The following ARHGAP21 variants were observed in gnomAD, a reference collection of about 807,000 sequenced individuals.
ARHGAP21 encodes the protein Rho GTPase activating protein 21.
Under a neutral mutation model 164.6 loss-of-function variants are expected in ARHGAP21, and 38 were observed. The ratio of observed to expected loss-of-function variants is 0.23; its 90% CI spans 0.18 to 0.30. The LOEUF (loss-of-function observed/expected upper bound fraction) is 0.30. ARHGAP21 is among the 10% of genes least tolerant of loss of function. ARHGAP21 has a pLI of 1.00. For synonymous variants in ARHGAP21, 766 were observed against 857.9 expected (o/e 0.89, Z 1.87); for missense variants, 1,822 against 2,370.7 (o/e 0.77, Z 4.81).
chr10:24,596,515 CCATTT>C (rs1404248328), intron 17 of ARHGAP21: 16 of 596,376 alleles, frequency 2.7e-5, no homozygotes, highest in Non-Finnish European at 4.2e-5. Flanking sequence ...TTCTTACAGA[CCATTT>C]CAGACAAATT....
chr10:24,620,357 G>A lies in ARHGAP21; in HGVS notation c.1538C>T (p.Thr513Ile). The change falls in exon 9 of 26, where the codon ACT (threonine) becomes ATT (isoleucine). Residue 513 changes from threonine to isoleucine, a missense_variant. This residue lies in a region of ARHGAP21 where 1,090 missense variants were observed against 1,378.9 expected (regional missense o/e 0.79). Coordinates refer to ENST00000396432, the MANE Select transcript of ARHGAP21 (RefSeq NM_020824.4). Reference sequence around the variant, plus strand: ...CTCTCCATTGGAATCAGGTATTGGAGTTCCAGAATTGACATTTTCTAAGGT... The same window carrying A: ...CTCTCCATTGGAATCAGGTATTGGAATTCCAGAATTGACATTTTCTAAGGT... ...DETLENVNSG[T>I]PIPDSNGEKK... The A allele has an allele frequency of 6.2e-7, 1 of 1,613,776 alleles. No homozygotes were observed. The highest frequency in any genetic ancestry group is 8.5e-7 in the Non-Finnish European group (1 of 1,179,830).
At chr10:24,687,133 C>T (rs1842287517) in intron 2 of ARHGAP21, among the ~76,000 whole-genome samples, 1 of 109,314 alleles carries the variant, frequency 9.1e-6, no homozygotes, top group Admixed American at 9.0e-5. Context: ...GGAGGGTGAG[C>T]CCATGAGGTC....
At chr10:24,623,888 A>T (rs1324124464) in intron 7 of ARHGAP21, among the ~76,000 whole-genome samples, 1 of 152,208 alleles carries the variant, frequency 6.6e-6, no homozygotes, top group Non-Finnish European at 1.5e-5. Context: ...GGGTAATGCT[A>T]TTCTAGAACT....
At chr10:24,626,882 T>C (rs73606524) in intron 7 of ARHGAP21, among the ~76,000 whole-genome samples, 4,643 of 152,286 alleles carry the variant, frequency 0.03, 218 homozygotes, top group African/African-American at 0.099. Flanking sequence ...CTAGAAAATA[T>C]ATGCTGGTTT....
chr10:24,592,405 A>C (rs1302433428), intron 21 of ARHGAP21, among the ~76,000 whole-genome samples: 1 of 152,234 alleles, frequency 6.6e-6, no homozygotes, highest in Non-Finnish European at 1.5e-5. Flanking sequence ...TGTGCAATGC[A>C]TAATTAGCAT....
rs1325744836 is a variant in ARHGAP21, at chr10:24,723,762, G to T, written c.-581C>A. 1 of 146,224 alleles carries T rather than the reference G, an allele frequency of 6.8e-6. No individual in the cohort carries two copies. Among genetic ancestry groups the T allele is most frequent in the Non-Finnish European group, 1.5e-5 (1 of 65,850 alleles). The allele number at this position is 146,224 out of a possible 1,614,324, so 9.1% of individuals were successfully genotyped here. On this transcript the variant is annotated 5_prime_UTR_variant, in exon 1 of 26. Transcript: ENST00000396432. ...GGCACCGCCGCGACCTGCCCCGGCC[G>T]GCCCCGGGCTCTCGGCCGCCGCAGG...
At chr10:24,589,437 T>C in intron 24 of ARHGAP21, 135 bp from the exon 25 acceptor site, 3 of 683,938 alleles carry the variant, frequency 4.4e-6, no homozygotes, top group Non-Finnish European at 7.1e-6. Context: ...ACACAGTGGA[T>C]AGTCAGAGCT....
At position 24,662,933 on chromosome 10, in the gene ARHGAP21, A is replaced by G. The variant is rs1162822998; in HGVS notation, c.268+4052T>C. ...ACATTTCAATTACAGTTGTCCCTTG[A>G]ACAATGGGTTTGAACTCTGCAGATA... On this transcript the variant is annotated intron_variant, in intron 4 of 25. Coordinates refer to ENST00000396432, the MANE Select transcript of ARHGAP21 (RefSeq NM_020824.4). Among the ~76,000 whole-genome samples, 4 of 151,610 alleles carry G rather than the reference A, an allele frequency of 2.6e-5. No homozygotes were observed. In the East Asian group the frequency reaches 7.8e-4, roughly 29 times the overall value.
At chr10:24,720,122 T>G (rs1296468564) in intron 2 of ARHGAP21, among the ~76,000 whole-genome samples, 2 of 152,078 alleles carry the variant, frequency 1.3e-5, no homozygotes, top group Non-Finnish European at 2.9e-5. Flanking sequence ...GAAAACAAAT[T>G]TCACAGCCGT....
rs56053080 is a variant in ARHGAP21, at chr10:24,660,386, T to TAA, written c.268+6597_268+6598dup. Among the ~76,000 whole-genome samples, 84 of 60,088 alleles carry TAA rather than the reference T, an allele frequency of 1.4e-3. 5 individuals carry two copies. In the East Asian group the frequency reaches 0.04, roughly 28 times the overall value. The allele number at this position is 60,088 out of a possible 152,430, so 39.4% of individuals were successfully genotyped here. On this transcript the variant is annotated intron_variant, in intron 4 of 25. Coordinates refer to ENST00000396432, the MANE Select transcript of ARHGAP21 (RefSeq NM_020824.4). ...GCACAGAGCAACACCCTCTCTCTCT[T>TAA]AAAAAAAAAAAAAAAAAAAAAAAAG...
rs1278339450 is a variant in ARHGAP21, at chr10:24,617,705, TCAATAGCTTTA to T, written c.2422+1757_2422+1767del. 1.2e-4 allele frequency among the ~76,000 whole-genome samples: 14 copies of T among 113,400 alleles called. No individual in the cohort carries two copies. The East Asian group carries it at 2.6e-3, about 21-fold the overall frequency. The allele number at this position is 113,400 out of a possible 152,430, so 74.4% of individuals were successfully genotyped here. On this transcript the variant is annotated intron_variant, in intron 9 of 25. Transcript: ENST00000396432. ...TTCTCAAGAAACATTTTTAAAGCTA[TCAATAGCTTTA>T]CAATTGATAGCTTTAAAAATGTTTC... is the stretch of plus-strand genomic sequence containing the variant.
intron 4 of ARHGAP21, chr10:24,648,870 A>G: frequency 1.0e-6 from 1 of 985,110 alleles, no homozygotes. Flanking sequence ...CAAGTGTTTT[A>G]ATCATGTCCT....
chr10:24,622,226 A>C (rs924861955), intron 8 of ARHGAP21, among the ~76,000 whole-genome samples: 1 of 151,774 alleles, frequency 6.6e-6, no homozygotes, highest in Non-Finnish European at 1.5e-5. Flanking sequence ...GAGACTTTAC[A>C]AAACAGAGCT....
intron 9 of ARHGAP21, among the ~76,000 whole-genome samples, chr10:24,616,535 A>G (rs1454377514): frequency 2.0e-5 from 3 of 152,238 alleles, no homozygotes; most frequent in African/African-American, 7.2e-5. Flanking sequence ...TGTGACCATC[A>G]AATTCAATTT....
rs1834485125 is a variant in ARHGAP21 at position 24,620,984 on chromosome 10, C to T, written c.911G>A (p.Gly304Asp). 2 of 1,613,850 alleles carry T rather than the reference C, an allele frequency of 1.2e-6. No individual in the cohort carries two copies. The highest frequency in any genetic ancestry group is 1.3e-5 in the African/African-American group (1 of 74,914). ...PSHRTEEVRY[G>D]VSEQTSLKTV... ...TTTTAAAGAGGTCTGCTCACTCACG[C>T]CATACCTCACTTCTTCAGTTCTATG... is the stretch of plus-strand genomic sequence containing the variant. The change falls in exon 9 of 26, where the codon GGC becomes GAC. Residue 304 changes from glycine to aspartate, a missense_variant. By Grantham distance (94) the Gly-to-Asp change is moderately conservative. Transcript: ENST00000396432.
intron 4 of ARHGAP21, among the ~76,000 whole-genome samples, chr10:24,661,898 A>G (rs1300941603): frequency 6.6e-6 from 1 of 152,210 alleles, no homozygotes; most frequent in Non-Finnish European, 1.5e-5. Context: ...GTTATTTGCA[A>G]TGGTATCATG....
At chr10:24,598,098 T>A in intron 14 of ARHGAP21, 89 bp from the exon 15 acceptor site, 1 of 992,792 alleles carries the variant, frequency 1.0e-6, no homozygotes, top group Non-Finnish European at 1.5e-6. Context: ...ACTGCTTTGC[T>A]TATTTAACAC....
intron 4 of ARHGAP21, chr10:24,640,323 T>C (rs146056597): frequency 1.3e-5 from 2 of 150,670 alleles, no homozygotes; most frequent in African/African-American, 4.9e-5. Context: ...AGAAAGAAAA[T>C]AATGGTTATA....
chr10:24,590,345 A>G (rs1318058329), intron 24 of ARHGAP21: 2 of 1,535,366 alleles, frequency 1.3e-6, no homozygotes, highest in Non-Finnish European at 1.7e-6. Flanking sequence ...ATTTACAAGA[A>G]TCGGGGATTT....
Sources: gnomAD v4.1 joint callset for allele counts (sites outside exome capture counted in the v4.1 genomes callset) on GRCh38, gnomAD v4.1.1 for gene constraint, gnomAD v4.1.1 regional missense constraint, MANE v1.5 for transcripts, NCBI Gene and HGNC (gene_info 2026-07-23, HGNC 2026-07-21) for gene names.